Variants in SEMA5A observed in about 807,000 individuals in gnomAD.
The protein encoded by SEMA5A is semaphorin 5A, also known as semaphorin-5A.
In SEMA5A, 55 loss-of-function variants were observed where a neutral mutation model predicts 135.5. The ratio of observed to expected loss-of-function variants is 0.41; its 90% CI spans 0.33 to 0.51. SEMA5A has a LOEUF of 0.51. SEMA5A is among the 20% of genes least tolerant of loss of function. The pLI, the probability that SEMA5A is intolerant of heterozygous loss-of-function variation, is 0.37. For missense variants in SEMA5A, 1,290 were observed against 1,419.9 expected (o/e 0.91, Z 1.47); for synonymous variants, 580 against 546.5 (o/e 1.06, Z -0.85).
chr5:9,144,780 T>A (rs1399024242), intron 12 of SEMA5A, among the ~76,000 whole-genome samples: 2 of 152,194 alleles, frequency 1.3e-5, no homozygotes, highest in African/African-American at 4.8e-5. Context: ...CATGCTGACA[T>A]CACTCACCCA....
chr5:9,233,299 T>C (rs1327529395), intron 6 of SEMA5A, among the ~76,000 whole-genome samples: 11 of 152,248 alleles, frequency 7.2e-5, no homozygotes, highest in Non-Finnish European at 1.3e-4. Context: ...CAAGGAACTC[T>C]TGTTAGGTCG....
At chr5:9,118,859 A>G (rs1422458758) in intron 15 of SEMA5A, 139 bp downstream of exon 15, 15 of 1,089,430 alleles carry the variant, frequency 1.4e-5, no homozygotes, top group Non-Finnish European at 1.8e-5. Context: ...CAGGAAAAGA[A>G]GAGGACGACT....
chr5:9,356,540 C>T (rs1754456171), intron 3 of SEMA5A, among the ~76,000 whole-genome samples: 1 of 152,084 alleles, frequency 6.6e-6, no homozygotes, highest in South Asian at 2.1e-4. Context: ...GGAAAAGAAC[C>T]CCCACCAAGT....
intron 1 of SEMA5A, among the ~76,000 whole-genome samples, chr5:9,478,941 C>A (rs1417013743): frequency 2.0e-5 from 3 of 152,136 alleles, no homozygotes; most frequent in African/African-American, 7.2e-5. Context: ...GAATTGTAAT[C>A]CCCACATGTT....
intron 6 of SEMA5A, among the ~76,000 whole-genome samples, chr5:9,237,548 C>T (rs935520429): frequency 3.3e-5 from 5 of 152,110 alleles, no homozygotes; most frequent in Admixed American, 3.3e-4. Context: ...TTTTCCAGCG[C>T]TATCAATCAA....
intron 5 of SEMA5A, among the ~76,000 whole-genome samples, chr5:9,285,019 T>C (rs1750732183): frequency 6.6e-6 from 1 of 152,144 alleles, no homozygotes; most frequent in African/African-American, 2.4e-5. Flanking sequence ...ATCCTCCTAT[T>C]CTAATAATAG....
In SEMA5A at chr5:9,400,901, C is replaced by A. The variant is rs867155767; in HGVS notation, c.-77-20878G>T. Among the ~76,000 whole-genome samples, 8 of 151,988 alleles carry A rather than the reference C, an allele frequency of 5.3e-5. 1 individual carries two copies. The South Asian group carries it at 6.2e-4, about 12-fold the overall frequency. On this transcript the variant is annotated intron_variant, in intron 2 of 22. Coordinates refer to ENST00000382496, the MANE Select transcript of SEMA5A (RefSeq NM_003966.3). ...TTATAATTTATTATAATTTACATTA[C>A]CTAGAATTATAAATTACTTCATGAT...
intron 3 of SEMA5A, among the ~76,000 whole-genome samples, chr5:9,370,143 T>A (rs1033330014): frequency 2.0e-5 from 3 of 152,160 alleles, no homozygotes; most frequent in African/African-American, 7.2e-5. Flanking sequence ...AACAAGTAAT[T>A]CTCTGTGCTG....
At chr5:9,477,658 T>A (rs1759719783) in intron 1 of SEMA5A, among the ~76,000 whole-genome samples, 1 of 152,168 alleles carries the variant, frequency 6.6e-6, no homozygotes, top group South Asian at 2.1e-4. Flanking sequence ...ATTTAGGGTA[T>A]CTGTCAGAAG....
At chr5:9,348,660 C>T (rs768323305) in intron 3 of SEMA5A, among the ~76,000 whole-genome samples, 1 of 152,184 alleles carries the variant, frequency 6.6e-6, no homozygotes, top group Non-Finnish European at 1.5e-5. Flanking sequence ...AGATTTATAA[C>T]TTTAGAATTA....
rs1425006388 is a variant in SEMA5A at position 9,073,400 on chromosome 5, C to A, written c.2074-6754G>T. ...GATGCAAAAATTATTGGATAAAAAT[C>A]AAAATTAATTCCTTATAAGAACTCT... On this transcript the variant is annotated intron_variant, in intron 16 of 22. Transcript: ENST00000382496. Among the ~76,000 whole-genome samples, 5 of 152,018 alleles carry A rather than the reference C, an allele frequency of 3.3e-5. 1 individual carries two copies. The South Asian group carries it at 8.3e-4, about 25-fold the overall frequency.
At chr5:9,504,076 A>G (rs1300079174) in intron 1 of SEMA5A, among the ~76,000 whole-genome samples, 1 of 151,706 alleles carries the variant, frequency 6.6e-6, no homozygotes, top group Non-Finnish European at 1.5e-5. Context: ...TTAGCCAGGC[A>G]TGGTGGCTCA....
chr5:9,272,250 T>G (rs1335814743), intron 5 of SEMA5A, among the ~76,000 whole-genome samples: 1 of 152,044 alleles, frequency 6.6e-6, no homozygotes. Flanking sequence ...ACAAAGCCAC[T>G]GGGAAGTTCG....
At chr5:9,244,980 G>GT (rs1748410757) in intron 5 of SEMA5A, among the ~76,000 whole-genome samples, 1 of 152,110 alleles carries the variant, frequency 6.6e-6, no homozygotes, top group South Asian at 2.1e-4. Flanking sequence ...AGTAGACAAC[G>GT]TTTTTTTAAG....
chr5:9,436,833 G>A (rs574637779), intron 2 of SEMA5A, among the ~76,000 whole-genome samples: 1 of 152,220 alleles, frequency 6.6e-6, no homozygotes, highest in East Asian at 1.9e-4. Context: ...AGCCTTCCCA[G>A]AAGGTAGCAA....
chr5:9,208,267 T>G (rs993928422), intron 8 of SEMA5A, among the ~76,000 whole-genome samples: 2 of 115,774 alleles, frequency 1.7e-5, no homozygotes, highest in Non-Finnish European at 1.9e-5. Context: ...GTATATCAAA[T>G]TAAGATCTAC....
intron 5 of SEMA5A, among the ~76,000 whole-genome samples, chr5:9,309,490 G>A (rs1340406719): frequency 6.6e-6 from 1 of 152,144 alleles, no homozygotes; most frequent in Non-Finnish European, 1.5e-5. Flanking sequence ...CACAAGGGAT[G>A]CACTTCCTGG....
chr5:9,171,911 C>T (rs1344828607), intron 11 of SEMA5A, among the ~76,000 whole-genome samples: 1 of 152,060 alleles, frequency 6.6e-6, no homozygotes, highest in Non-Finnish European at 1.5e-5. Context: ...TGTCCTAGGA[C>T]ACAGGACAAA....
intron 1 of SEMA5A, among the ~76,000 whole-genome samples, chr5:9,534,037 A>C (rs1226478446): frequency 6.6e-6 from 1 of 152,224 alleles, no homozygotes; most frequent in African/African-American, 2.4e-5. Flanking sequence ...GTGACCCTAT[A>C]AACTTTCAAG....
Sources: allele counts gnomAD v4.1 joint callset (sites outside exome capture counted in the v4.1 genomes callset), GRCh38; gene constraint gnomAD v4.1.1; transcripts MANE v1.5; gene names NCBI Gene and HGNC (gene_info 2026-07-23, HGNC 2026-07-21).